The following CNKSR1 variants were observed in gnomAD, a reference collection of about 807,000 sequenced individuals.
CNKSR1 encodes the protein connector enhancer of kinase suppressor of Ras 1.
CNKSR1 carries 88 observed loss-of-function variants against 95.6 expected under a neutral mutation model. That is an observed-to-expected ratio of 0.92 (90% CI 0.78 to 1.10). CNKSR1 has a LOEUF of 1.10. Among genes scored for constraint, CNKSR1 ranks in the 50% least tolerant of loss-of-function variants. CNKSR1 has a pLI of 0.00. For synonymous variants in CNKSR1, 355 were observed against 369.7 expected (o/e 0.96, Z 0.46); for missense variants, 836 against 912.0 (o/e 0.92, Z 1.07).
At chr1:26,187,079 C>A in intron 14 of CNKSR1, 89 bp from the exon 15 acceptor site, 2 of 974,128 alleles carry the variant, frequency 2.1e-6, no homozygotes, top group Non-Finnish European at 3.3e-6. Flanking sequence ...CTCTCCACAA[C>A]TCTCAGGAGC....
intron 4 of CNKSR1, 168 bp from the exon 5 acceptor site, chr1:26,182,193 G>A (rs977960992): frequency 1.3e-6 from 1 of 745,766 alleles, no homozygotes; most frequent in African/African-American, 1.8e-5. Flanking sequence ...TGGTATCAGG[G>A]AAACGAGCCC....
rs758259326 is a variant in CNKSR1, at chr1:26,177,500, C to T, written c.-48C>T. The T allele has an allele frequency of 1.2e-5, 20 of 1,610,768 alleles. No homozygotes were observed. The highest frequency in any genetic ancestry group is 6.7e-5 in the Admixed American group (4 of 59,698). On this transcript the variant is annotated 5_prime_UTR_variant, in exon 1 of 21. Coordinates refer to ENST00000361530, the MANE Select transcript of CNKSR1 (RefSeq NM_006314.3). Reference sequence around the variant, plus strand: ...TGGGCTCTGGGAGCGGAAATTCCGGCGACAGCAGGGCAAAACAGGAGCTGA... The same window carrying T: ...TGGGCTCTGGGAGCGGAAATTCCGGTGACAGCAGGGCAAAACAGGAGCTGA...
At chr1:26,188,030 GGGTGA>G (rs2088786462) in intron 16 of CNKSR1, among the ~76,000 whole-genome samples, 199 bp from the exon 17 acceptor site, 1 of 151,914 alleles carries the variant, frequency 6.6e-6, no homozygotes, top group African/African-American at 2.4e-5. Flanking sequence ...CAAAGTGCTG[GGGTGA>G]CAGACGCGAG....
Position 26,188,693 on chromosome 1 carries a change from G to A in CNKSR1, c.1686G>A (p.Leu562=), listed in dbSNP as rs1487082349. Residue 562 remains leucine, a synonymous_variant, in exon 19 of 21, where the codon CTG becomes CTA. Coordinates refer to ENST00000361530, the MANE Select transcript of CNKSR1 (RefSeq NM_006314.3). ...GCCCACGGACCTCCTTTGGCTCTCTGACAGGTGCTGGGCTGGAGTTGGGAG... is the reference window on the plus strand; with the variant it reads ...GCCCACGGACCTCCTTTGGCTCTCTAACAGGTGCTGGGCTGGAGTTGGGAG... ...QRSPRTSFGS[L]TDSSEEALEG... 1 of 1,613,614 alleles carries A rather than the reference G, an allele frequency of 6.2e-7. No homozygotes were observed. The highest frequency in any genetic ancestry group is 8.5e-7 in the Non-Finnish European group (1 of 1,179,836).
At chr1:26,179,092 G>T (rs2088605672) in intron 1 of CNKSR1, among the ~76,000 whole-genome samples, 1 of 152,246 alleles carries the variant, frequency 6.6e-6, no homozygotes, top group African/African-American at 2.4e-5. Context: ...GTTAATATGT[G>T]TAAAGCTCTT....
chr1:26,183,785 C>T lies in CNKSR1; in HGVS notation c.810C>T (p.Leu270=). The T allele has an allele frequency of 3.1e-6, 5 of 1,613,602 alleles. No homozygotes were observed. Among genetic ancestry groups the T allele is most frequent in the Non-Finnish European group, 4.2e-6 (5 of 1,179,742 alleles). ...VRELLREPAG[L]SLVLKKIPIP... is the part of the protein sequence containing the mutation. ...AACTGCTGCGGGAGCCAGCCGGACT[C>T]AGCTTAGTGCTGAAGAAGATCCCGA... Residue 270 remains leucine (L), a synonymous_variant, in exon 9 of 21, where the codon CTC becomes CTT. Transcript: ENST00000361530.
At chr1:26,186,578 A>C (rs1449185730) in intron 14 of CNKSR1, among the ~76,000 whole-genome samples, 1 of 152,008 alleles carries the variant, frequency 6.6e-6, no homozygotes, top group African/African-American at 2.4e-5. Context: ...AGGTTCGAGC[A>C]ATTCTCCTAC....
intron 16 of CNKSR1, 138 bp downstream of exon 16, chr1:26,187,620 CTTTT>C (rs35307485): frequency 4.0e-3 from 1,822 of 458,718 alleles, no homozygotes; most frequent in East Asian, 0.011. Context: ...TTCTCTTTCT[CTTTT>C]TTTTTTTTTT....
Position 26,177,576 on chromosome 1 carries a change from G to C in CNKSR1, c.29G>C (p.Gly10Ala), listed in dbSNP as rs367789997. 9.3e-6 allele frequency: 15 copies of C among 1,614,104 alleles called. No homozygotes were observed. In the East Asian group the frequency reaches 1.6e-4, roughly 17 times the overall value. ...GAACCGGTAGAGACCTGGACCCCCG[G>C]AAAGGTGGCAACTTGGCTGAGAGGT... is the stretch of plus-strand genomic sequence containing the variant. MEPVETWTP[G>A]KVATWLRGLD... The change falls in exon 1 of 21, where the codon GGA becomes GCA. Residue 10 changes from glycine (G) to alanine (A), a missense_variant. Coordinates refer to ENST00000361530, the MANE Select transcript of CNKSR1 (RefSeq NM_006314.3).
rs919856827 is a variant in CNKSR1, at chr1:26,182,519, T to C, written c.559T>C (p.Cys187Arg). 1.2e-6 allele frequency: 2 copies of C among 1,613,894 alleles called. No homozygotes were observed. The highest frequency in any genetic ancestry group is 1.7e-5 in the Admixed American group (1 of 59,998). The change falls in exon 6 of 21, where the codon TGC (cysteine) becomes CGC (arginine). Residue 187 changes from cysteine to arginine, a missense_variant. Physicochemically the swap from Cys to Arg is radical, Grantham distance 180. Transcript: ENST00000361530. Reference sequence around the variant, plus strand: ...TGGGATCTGCCACAACATCCTGGTCTGCTGCCCCAAGGAGCTGCTGGAACA... The same window carrying C: ...TGGGATCTGCCACAACATCCTGGTCCGCTGCCCCAAGGAGCTGCTGGAACA... ...VAGICHNILVCCPKELLEQKA... is the reference protein window; with the variant it reads ...VAGICHNILVRCPKELLEQKA...
intron 4 of CNKSR1, 59 bp from the exon 5 acceptor site, chr1:26,182,302 G>C: frequency 6.4e-7 from 1 of 1,567,670 alleles, no homozygotes; most frequent in Admixed American, 1.7e-5. Context: ...CCCAGGAGAA[G>C]GCAGTCCCCT....
intron 4 of CNKSR1, 185 bp from the exon 5 acceptor site, chr1:26,182,176 G>A: frequency 1.4e-6 from 1 of 713,772 alleles, no homozygotes; most frequent in Non-Finnish European, 2.4e-6. Context: ...GGTGACTTCT[G>A]GGGGCCTGGT....
rs768402814 is a variant in CNKSR1 at position 26,189,626 on chromosome 1, G to A, written c.*78G>A. Reference sequence around the variant, plus strand: ...CAGCTTCTGACGTGTCCAGGACAGAGCATCCCTGGATTCTGTTCAGGGTGG... The same window carrying A: ...CAGCTTCTGACGTGTCCAGGACAGAACATCCCTGGATTCTGTTCAGGGTGG... On this transcript the variant is annotated 3_prime_UTR_variant, in exon 21 of 21. Transcript: ENST00000361530. 1 of 818,178 alleles carries A rather than the reference G, an allele frequency of 1.2e-6. No homozygotes were observed. Among genetic ancestry groups the A allele is most frequent in the South Asian group, 1.3e-5 (1 of 75,292 alleles). 50.7% of individuals were successfully genotyped at this position (818,178 alleles called of 1,614,324 possible).
intron 14 of CNKSR1, among the ~76,000 whole-genome samples, chr1:26,186,568 A>G (rs1393559017): frequency 2.0e-5 from 3 of 152,248 alleles, no homozygotes; most frequent in East Asian, 1.9e-4. Flanking sequence ...TTTTCCTCCC[A>G]GGTTCGAGCA....
At position 26,184,210 on chromosome 1, in the gene CNKSR1, C is replaced by T; in HGVS notation, c.927-4C>T. 1.2e-6 allele frequency: 2 copies of T among 1,613,134 alleles called. No individual in the cohort carries two copies. Among genetic ancestry groups the T allele is most frequent in the South Asian group, 1.1e-5 (1 of 91,024 alleles). On this transcript the variant is annotated splice_region_variant and splice_polypyrimidine_tract_variant and intron_variant, in intron 10 of 20. Transcript: ENST00000361530. ...GCTCATCTCATCCCCCTTGCCCTCC[C>T]CAGGGCCCCATCTGAAGACGTCTTT... is the stretch of plus-strand genomic sequence containing the variant.
rs555467929 is a variant in CNKSR1, at chr1:26,188,503, G to A, written c.1590G>A (p.Ser530=). The A allele has an allele frequency of 8.3e-5, 133 of 1,602,614 alleles. 1 individual carries two copies. Among genetic ancestry groups the A allele is most frequent in the Middle Eastern group, 8.3e-4 (5 of 6,044 alleles). The stretch of plus-strand genomic sequence containing the variant: ...ATGAGGCTGGGTCCCACTCAGCCTC[G>A]GTGAGTGGGGGGCTGCCGGGGGTAG... ...PDDEAGSHSA[S]PSPAQAGSPL... Residue 530 remains serine (S), a splice_region_variant and synonymous_variant, in exon 18 of 21, where the codon TCG becomes TCA. Coordinates refer to ENST00000361530, the MANE Select transcript of CNKSR1 (RefSeq NM_006314.3).
chr1:26,182,161 C>A, intron 4 of CNKSR1, 200 bp from the exon 5 acceptor site: 1 of 700,600 alleles, frequency 1.4e-6, no homozygotes, highest in Non-Finnish European at 2.5e-6. Flanking sequence ...GGGGAGGGCA[C>A]GTGTGGTGAC....
chr1:26,183,158 C>T, intron 6 of CNKSR1, 39 bp from the exon 7 acceptor site: 2 of 1,603,356 alleles, frequency 1.2e-6, no homozygotes, highest in African/African-American at 1.3e-5. Flanking sequence ...GGCCCTGTTG[C>T]CCCCCAGCCC....
In CNKSR1 at chr1:26,188,830, C is replaced by G; in HGVS notation, c.1749C>G (p.Ser583=). The G allele has an allele frequency of 6.2e-7, 1 of 1,612,634 alleles. No individual in the cohort carries two copies. Among genetic ancestry groups the G allele is most frequent in the Non-Finnish European group, 8.5e-7 (1 of 1,179,528 alleles). The change falls in exon 20 of 21, where the codon TCC becomes TCG. Residue 583 remains serine (S), a synonymous_variant. Coordinates refer to ENST00000361530, the MANE Select transcript of CNKSR1 (RefSeq NM_006314.3). ...GGGGGCTGAGGCAGGGTGGCGTGTC[C>G]CTCCTAGGCCAGCCACAGCCCCTGA... ...MVRGLRQGGV[S]LLGQPQPLTQ... is the part of the protein sequence containing the mutation.
Sources: allele counts gnomAD v4.1 joint callset (sites outside exome capture counted in the v4.1 genomes callset), GRCh38; gene constraint gnomAD v4.1.1; transcripts MANE v1.5; gene names NCBI Gene and HGNC (gene_info 2026-07-23, HGNC 2026-07-21).